JPH1: variants seen among roughly 807,000 people sequenced by gnomAD.
JPH1 encodes the protein junctophilin 1.
A neutral mutation model predicts 53.6 loss-of-function variants in JPH1; 12 were observed. The observed-to-expected ratio is 0.22, with a 90% CI of 0.14 to 0.36. JPH1 has a LOEUF of 0.36. JPH1 is among the 10% of genes least tolerant of loss of function. The pLI is 1.00. For missense variants in JPH1, 808 were observed against 905.5 expected, an observed-to-expected ratio of 0.89 and a Z score of 1.38; for synonymous variants, 375 against 363.8, an observed-to-expected ratio of 1.03 and a Z score of -0.35.
intron 2 of JPH1, among the ~76,000 whole-genome samples, chr8:74,306,121 G>A (rs977467798): frequency 7.9e-5 from 12 of 152,276 alleles, no homozygotes; most frequent in Admixed American, 2.0e-4. Flanking sequence ...GACCCGTTGC[G>A]TGGTGAGTGA....
chr8:74,294,099 C>T (rs934136678), intron 2 of JPH1, among the ~76,000 whole-genome samples: 1 of 152,144 alleles, frequency 6.6e-6, no homozygotes, highest in African/African-American at 2.4e-5. Context: ...ATCCTGCACA[C>T]CTGAGGGAAC....
Position 74,294,749 on chromosome 8 carries a change from T to A in JPH1, c.1139+20112A>T, listed in dbSNP as rs1807454404. ...ACTTGCTTTACACAGAGCAGGCATT[T>A]GGAAAATGCTGGTTCAAATGATCAC... On this transcript the variant is annotated intron_variant, in intron 2 of 5. Coordinates refer to ENST00000342232, the MANE Select transcript of JPH1 (RefSeq NM_020647.4). Among the ~76,000 whole-genome samples the A allele has an allele frequency of 2.6e-5, 4 of 152,268 alleles. No individual in the cohort carries two copies. In the South Asian group the frequency reaches 8.3e-4, roughly 31 times the overall value.
intron 2 of JPH1, among the ~76,000 whole-genome samples, chr8:74,267,885 C>T (rs938568534): frequency 6.6e-6 from 1 of 151,804 alleles, no homozygotes; most frequent in African/African-American, 2.4e-5. Flanking sequence ...GCTGGATGAG[C>T]GAAAGAAAGG....
chr8:74,295,613 A>G (rs567599215), intron 2 of JPH1, among the ~76,000 whole-genome samples: 2 of 152,312 alleles, frequency 1.3e-5, no homozygotes, highest in East Asian at 1.9e-4. Context: ...CTAAGGCTTA[A>G]CAGATCTCAT....
intron 2 of JPH1, among the ~76,000 whole-genome samples, chr8:74,290,386 A>T (rs538563695): frequency 6.6e-5 from 10 of 152,284 alleles, no homozygotes; most frequent in Admixed American, 2.0e-4. Flanking sequence ...CACAATTGCT[A>T]CAAAGAGAAT....
At chr8:74,292,906 A>T (rs1472588981) in intron 2 of JPH1, among the ~76,000 whole-genome samples, 1 of 152,220 alleles carries the variant, frequency 6.6e-6, no homozygotes, top group Non-Finnish European at 1.5e-5. Flanking sequence ...TTCATAGCAG[A>T]TGGCAGGCAG....
chr8:74,308,533 T>A (rs1431467801), intron 2 of JPH1, among the ~76,000 whole-genome samples: 1 of 152,218 alleles, frequency 6.6e-6, no homozygotes, highest in African/African-American at 2.4e-5. Context: ...ATTAATTCAT[T>A]CACCAAATAT....
intron 2 of JPH1, among the ~76,000 whole-genome samples, chr8:74,285,525 C>T: frequency 6.6e-6 from 1 of 152,014 alleles, no homozygotes; most frequent in East Asian, 1.9e-4. Flanking sequence ...ATCTTGAAAG[C>T]TTTAAAAATC....
chr8:74,297,371 T>C (rs1807550921), intron 2 of JPH1, among the ~76,000 whole-genome samples: 1 of 152,146 alleles, frequency 6.6e-6, no homozygotes, highest in East Asian at 1.9e-4. Flanking sequence ...AGAGTAAACA[T>C]GTGACAAGTT....
chr8:74,302,098 C>T (rs927972656), intron 2 of JPH1, among the ~76,000 whole-genome samples: 2 of 152,248 alleles, frequency 1.3e-5, no homozygotes, highest in African/African-American at 2.4e-5. Flanking sequence ...CAAATTCACA[C>T]AGCAGGTAAC....
At chr8:74,303,080 T>C (rs1380177237) in intron 2 of JPH1, among the ~76,000 whole-genome samples, 7 of 152,170 alleles carry the variant, frequency 4.6e-5, no homozygotes, top group Admixed American at 1.3e-4. Flanking sequence ...TGAATTGCAT[T>C]GTCATAAGGC....
intron 3 of JPH1, among the ~76,000 whole-genome samples, chr8:74,257,530 A>C (rs774629329): frequency 1.5e-4 from 23 of 152,182 alleles, no homozygotes; most frequent in Non-Finnish European, 2.8e-4. Context: ...CTGATCAGTC[A>C]GGTTCTTTCC....
chr8:74,255,894 A>C (rs1165220179), intron 3 of JPH1, among the ~76,000 whole-genome samples: 1 of 152,222 alleles, frequency 6.6e-6, no homozygotes, highest in African/African-American at 2.4e-5. Context: ...AGGAGACAAC[A>C]GGTGCTGGAG....
At chr8:74,295,761 C>A (rs766789715) in intron 2 of JPH1, among the ~76,000 whole-genome samples, 1 of 152,140 alleles carries the variant, frequency 6.6e-6, no homozygotes, top group South Asian at 2.1e-4. Flanking sequence ...AGCTTGCCTG[C>A]AGATGGGTCT....
At chr8:74,294,805 T>A (rs1317369250) in intron 2 of JPH1, among the ~76,000 whole-genome samples, 1 of 152,248 alleles carries the variant, frequency 6.6e-6, no homozygotes. Flanking sequence ...ATATTTAGTG[T>A]CCACTTTCTA....
chr8:74,268,179 A>C (rs183101977), intron 2 of JPH1, among the ~76,000 whole-genome samples: 2 of 152,264 alleles, frequency 1.3e-5, no homozygotes, highest in African/African-American at 4.8e-5. Flanking sequence ...TTAACAGATA[A>C]ATGCCCACTA....
chr8:74,292,244 T>C (rs1807350372), intron 2 of JPH1, among the ~76,000 whole-genome samples: 2 of 152,216 alleles, frequency 1.3e-5, no homozygotes, highest in Non-Finnish European at 2.9e-5. Context: ...GCACTTACTC[T>C]CCACCTTGTA....
chr8:74,249,773 T>C (rs1450978186), intron 3 of JPH1, among the ~76,000 whole-genome samples: 3 of 152,378 alleles, frequency 2.0e-5, no homozygotes, highest in South Asian at 2.1e-4. Context: ...TAGACTATTA[T>C]GTAATGGAGC....
At position 74,271,130 on chromosome 8, in the gene JPH1, C is replaced by T. The variant is rs189580296; in HGVS notation, c.1140-11627G>A. Among the ~76,000 whole-genome samples, 118 of 150,230 alleles carry T rather than the reference C, an allele frequency of 7.9e-4. 1 individual carries two copies. The highest frequency in any genetic ancestry group is 1.5e-3 in the South Asian group (7 of 4,792). On this transcript the variant is annotated intron_variant, in intron 2 of 5. Coordinates refer to ENST00000342232, the MANE Select transcript of JPH1 (RefSeq NM_020647.4). ...CCCCAAACAAGGGGGAGATTTAGGA[C>T]GTCATTTCCACGAGGCAGGAATTTC...
Sources: allele counts gnomAD v4.1 joint callset (sites outside exome capture counted in the v4.1 genomes callset), GRCh38; gene constraint gnomAD v4.1.1; transcripts MANE v1.5; gene names NCBI Gene and HGNC (gene_info 2026-07-23, HGNC 2026-07-21).